Variants in ABCF3 observed in about 807,000 individuals in gnomAD.
The protein encoded by ABCF3 is ATP binding cassette subfamily F member 3, also known as ATP-binding cassette sub-family F member 3.
ABCF3 carries 62 observed loss-of-function variants against 94.3 expected under a neutral mutation model. The observed-to-expected ratio is 0.66, with a 90% confidence interval of 0.54 to 0.81. The LOEUF is 0.81. Ranked by LOEUF, ABCF3 falls within the 40% of genes least tolerant of loss-of-function variation. The probability of loss-of-function intolerance (pLI) is 0.00; values close to 1 mark genes in which losing one functional copy is unlikely to be tolerated. For synonymous variants in ABCF3, 355 were observed against 361.1 expected, an observed-to-expected ratio of 0.98 and a Z score of 0.19; for missense variants, 843 against 925.3, an observed-to-expected ratio of 0.91 and a Z score of 1.15.
In ABCF3 at chr3:184,193,871, C is replaced by A; in HGVS notation, c.*173C>A. 1 of 918,078 alleles carries A rather than the reference C, an allele frequency of 1.1e-6. No individual in the cohort carries two copies. 56.9% of individuals were successfully genotyped at this position (918,078 alleles called of 1,614,324 possible). A position where few individuals can be genotyped will look rare whatever the true frequency, so the allele number is the denominator to read the frequency against. Reference sequence around the variant, plus strand: ...CTTCTGCACAACCTTGGGAGCCCATCCAAGGGTTGGTGAGGACTGGTCTCC... The same window carrying A: ...CTTCTGCACAACCTTGGGAGCCCATACAAGGGTTGGTGAGGACTGGTCTCC... On this transcript the variant is annotated 3_prime_UTR_variant, in exon 21 of 21. Transcript: ENST00000429586. The surrounding 1 kb of genome is among the most constrained non-coding windows in gnomAD (Gnocchi z 5.2).
rs371757934 is a variant in ABCF3, at chr3:184,189,297, C to A, written c.1057+20C>A. On this transcript the variant is annotated intron_variant, in intron 11 of 20. Coordinates refer to ENST00000429586, the MANE Select transcript of ABCF3 (RefSeq NM_018358.3). ...TAGATGGTGAGTTTGAAATGGGGCA[C>A]CCTGACTTTAGGATGGGCAGGGGTG... 6.2e-7 allele frequency: 1 copy of A among 1,614,176 alleles called. No homozygotes were observed. Among genetic ancestry groups the A allele is most frequent in the Non-Finnish European group, 8.5e-7 (1 of 1,180,030 alleles).
intron 16 of ABCF3, 112 bp from the exon 17 acceptor site, chr3:184,192,489 C>G: frequency 9.8e-7 from 1 of 1,020,974 alleles, no homozygotes; most frequent in Non-Finnish European, 1.4e-6. Flanking sequence ...GTAACCACAA[C>G]TCTGCTCTCT....
At chr3:184,189,497 C>T in intron 12 of ABCF3, 54 bp downstream of exon 12, 2 of 1,613,694 alleles carry the variant, frequency 1.2e-6, no homozygotes, top group Non-Finnish European at 1.7e-6. Context: ...TCCAAGATAC[C>T]TGGGGGCCTG....
At position 184,189,568 on chromosome 3, in the gene ABCF3, C is replaced by T. The variant is rs1277801733; in HGVS notation, c.1125C>T (p.Ser375=). 1 of 1,614,148 alleles carries T rather than the reference C, an allele frequency of 6.2e-7. No homozygotes were observed. Among genetic ancestry groups the T allele is most frequent in the East Asian group, 2.2e-5 (1 of 44,882 alleles). ...WLENYLQTWP[S]TILVVSHDRN... ...CTGTGACCCCTCAGACGTGGCCCTC[C>T]ACCATCCTAGTCGTCTCCCACGACC... is the stretch of plus-strand genomic sequence containing the variant. Residue 375 remains serine, a synonymous_variant, in exon 13 of 21, where the codon TCC becomes TCT. Coordinates refer to ENST00000429586, the MANE Select transcript of ABCF3 (RefSeq NM_018358.3).
At chr3:184,187,313 C>T (rs2971430) in intron 3 of ABCF3, 84 bp from the exon 4 acceptor site, 4 of 1,493,504 alleles carry the variant, frequency 2.7e-6, no homozygotes, top group Non-Finnish European at 3.7e-6. Flanking sequence ...ACATCTGTGT[C>T]TGTGCCTGGT....
chr3:184,189,498 T>C lies in ABCF3; in HGVS notation c.1113+55T>C, dbSNP rs1385831766. 5 of 1,613,656 alleles carry C rather than the reference T, an allele frequency of 3.1e-6. No individual in the cohort carries two copies. The South Asian group carries it at 3.3e-5, about 11-fold the overall frequency. ...GGGGAAAGGCGGCCTCCAAGATACCTGGGGGCCTGAGAACTGACTGCCCTC... is the reference window on the plus strand; with the variant it reads ...GGGGAAAGGCGGCCTCCAAGATACCCGGGGGCCTGAGAACTGACTGCCCTC... On this transcript the variant is annotated intron_variant, in intron 12 of 20. Transcript: ENST00000429586.
At chr3:184,192,962 A>T (rs897655559) in intron 18 of ABCF3, 66 bp downstream of exon 18, 104 of 1,594,794 alleles carry the variant, frequency 6.5e-5, no homozygotes, top group Non-Finnish European at 8.7e-5. Flanking sequence ...TGACCCCGGC[A>T]GCTAGGCCTG....
At chr3:184,191,792 G>C (rs1048896641) in intron 16 of ABCF3, among the ~76,000 whole-genome samples, 68 of 137,560 alleles carry the variant, frequency 4.9e-4, no homozygotes, top group African/African-American at 1.7e-3. Flanking sequence ...CTGTTGCCCC[G>C]GCTGGAGTGC....
At position 184,188,402 on chromosome 3, in the gene ABCF3, T is replaced by C. The variant is rs140705279; in HGVS notation, c.831T>C (p.Ala277=). 3.7e-6 allele frequency: 6 copies of C among 1,605,408 alleles called. No homozygotes were observed. In the African/African-American group the frequency reaches 8.0e-5, roughly 21 times the overall value. The change falls in exon 7 of 21, where the codon GCT becomes GCC. Residue 277 remains alanine (A), a synonymous_variant. Transcript: ENST00000429586. Reference sequence around the variant, plus strand: ...GGGAGCTCACTGCCCAGATTGCTGCTGGCAGGTGAGGACTCCCGGCTAGGG... The same window carrying C: ...GGGAGCTCACTGCCCAGATTGCTGCCGGCAGGTGAGGACTCCCGGCTAGGG... The part of the protein sequence containing the change: ...RERELTAQIA[A]GRAEGSEAAE...
chr3:184,193,763 A>G lies in ABCF3; in HGVS notation c.*65A>G. 3 of 1,484,604 alleles carry G rather than the reference A, an allele frequency of 2.0e-6. No individual in the cohort carries two copies. The highest frequency in any genetic ancestry group is 2.7e-6 in the Non-Finnish European group (3 of 1,110,908). The allele number at this position is 1,484,604 out of a possible 1,614,324, so 92.0% of individuals were successfully genotyped here. ...CTCTCAGACCCCTGGGCCACCATGT[A>G]GGCCACCACTCCAGGCCGTGGACTT... On this transcript the variant is annotated 3_prime_UTR_variant, in exon 21 of 21. Transcript: ENST00000429586. The surrounding 1 kb of genome is among the most constrained non-coding windows in gnomAD (Gnocchi z 5.2).
At position 184,188,927 on chromosome 3, in the gene ABCF3, A is replaced by G. The variant is rs1455178229; in HGVS notation, c.918-2A>G. The G allele has an allele frequency of 3.7e-6, 6 of 1,614,114 alleles. No homozygotes were observed. The highest frequency in any genetic ancestry group is 5.1e-6 in the Non-Finnish European group (6 of 1,180,010). On this transcript the variant is annotated splice_acceptor_variant, in intron 8 of 20. Coordinates refer to ENST00000429586, the MANE Select transcript of ABCF3 (RefSeq NM_018358.3). LOFTEE classifies it high-confidence loss of function. ...TGAGTTCTTCGATTTCTTCTCTACT[A>G]GGGCATCAGTCATTCTCGCTGGGCT... is the stretch of plus-strand genomic sequence containing the variant.
rs1179388500 is a variant in ABCF3, at chr3:184,188,129, C to T, written c.570-12C>T. 1.2e-6 allele frequency: 2 copies of T among 1,611,902 alleles called. No homozygotes were observed. The highest frequency in any genetic ancestry group is 1.7e-5 in the Admixed American group (1 of 60,010). On this transcript the variant is annotated splice_polypyrimidine_tract_variant and intron_variant, in intron 6 of 20. Coordinates refer to ENST00000429586, the MANE Select transcript of ABCF3 (RefSeq NM_018358.3). Reference sequence around the variant, plus strand: ...CTAGAGCATCTTTGGTCTCCTTTCTCCACTCCTGCAGAGTACTGCTGGCTG... The same window carrying T: ...CTAGAGCATCTTTGGTCTCCTTTCTTCACTCCTGCAGAGTACTGCTGGCTG...
Position 184,189,958 on chromosome 3 carries a change from C to T in ABCF3, c.1391+27C>T, listed in dbSNP as rs371488368. The T allele has an allele frequency of 3.1e-6, 5 of 1,612,182 alleles. No homozygotes were observed. In the Admixed American group the frequency reaches 5.0e-5, roughly 16 times the overall value. ...TGAGTACAGCATCCTTGGCCAGGGC[C>T]TGACTCCTGTTCTCTTCGTCTCCTT... On this transcript the variant is annotated intron_variant, in intron 14 of 20. Coordinates refer to ENST00000429586, the MANE Select transcript of ABCF3 (RefSeq NM_018358.3).
In ABCF3 at chr3:184,193,164, A is replaced by G. The variant is rs1304182297; in HGVS notation, c.1813A>G (p.Met605Val). The G allele has an allele frequency of 3.2e-6, 5 of 1,568,650 alleles. No homozygotes were observed. Among genetic ancestry groups the G allele is most frequent in the African/African-American group, 2.7e-5 (2 of 73,550 alleles). ...GTATGGCATCTCCGGAGAACTGGCCATGCGTCCTCTTGCCAGCCTGTCTGG... is the reference window on the plus strand; with the variant it reads ...GTATGGCATCTCCGGAGAACTGGCCGTGCGTCCTCTTGCCAGCCTGTCTGG... ...GRYGISGELA[M>V]RPLASLSGGQ... The change falls in exon 19 of 21, where the codon ATG becomes GTG. Residue 605 changes from methionine (M) to valine (V), a missense_variant. By Grantham distance (21) the Met-to-Val change is conservative (BLOSUM62 1). Coordinates refer to ENST00000429586, the MANE Select transcript of ABCF3 (RefSeq NM_018358.3). The surrounding 1 kb of genome is among the most constrained non-coding windows in gnomAD (Gnocchi z 5.2).
intron 9 of ABCF3, 32 bp downstream of exon 9, chr3:184,189,020 C>T: frequency 6.2e-7 from 1 of 1,614,188 alleles, no homozygotes; most frequent in Non-Finnish European, 8.5e-7. Context: ...TGGCTTTGAA[C>T]CCTGTTGTCT....
At chr3:184,186,315 G>A (rs1709625) in intron 1 of ABCF3, 35 bp downstream of exon 1, 227 of 1,613,074 alleles carry the variant, frequency 1.4e-4, no homozygotes, top group Non-Finnish European at 1.8e-4. Context: ...TGGGGAGACC[G>A]AAGTGGAGGC....
rs998721450 is a variant in ABCF3, at chr3:184,191,059, G to T, written c.1436+16G>T. On this transcript the variant is annotated intron_variant, in intron 15 of 20. Transcript: ENST00000429586. ...TCGTAATGAAGTAAGTGCTGGGCCA[G>T]TGGGGCTGGTGGGGAATTGCTTGCT... 5.0e-6 allele frequency: 8 copies of T among 1,614,244 alleles called. No homozygotes were observed. The highest frequency in any genetic ancestry group is 2.2e-5 in the East Asian group (1 of 44,894).
Position 184,192,998 on chromosome 3 carries a change from C to T in ABCF3, c.1750+102C>T, listed in dbSNP as rs550371745. 110 of 1,562,650 alleles carry T rather than the reference C, an allele frequency of 7.0e-5. 1 individual carries two copies. Among genetic ancestry groups the T allele is most frequent in the South Asian group, 3.7e-4 (31 of 84,236 alleles). On this transcript the variant is annotated intron_variant, in intron 18 of 20. Transcript: ENST00000429586. ...CCTTGGGGTGCGTGCAGAGCAGCCC[C>T]GCCAAGCCTAGATGGAAGGACATGG...
intron 16 of ABCF3, 43 bp downstream of exon 16, chr3:184,191,298 G>T: frequency 1.9e-6 from 3 of 1,610,654 alleles, no homozygotes; most frequent in Non-Finnish European, 2.5e-6. Context: ...GGACTCTCCT[G>T]TCTAAGTGTG....
Sources: allele counts gnomAD v4.1 joint callset (sites outside exome capture counted in the v4.1 genomes callset), GRCh38; gene constraint gnomAD v4.1.1; non-coding constraint Gnocchi (gnomAD v3.1); transcripts MANE v1.5; gene names NCBI Gene and HGNC (gene_info 2026-07-23, HGNC 2026-07-21).